Variants in NUP155 observed in about 807,000 individuals in gnomAD.
NUP155 encodes nucleoporin 155, also known as nuclear pore complex protein Nup155.
Under a neutral mutation model 180.4 loss-of-function variants are expected in NUP155, and 71 were observed. The ratio of observed to expected loss-of-function variants is 0.39; its 90% CI spans 0.33 to 0.48. The LOEUF (loss-of-function observed/expected upper bound fraction) is 0.48, where lower values mean the gene tolerates loss of function less well. Among genes scored for constraint, NUP155 ranks in the 20% least tolerant of loss-of-function variants. NUP155 has a pLI of 0.91. For synonymous variants in NUP155, 582 were observed against 559.5 expected, an observed-to-expected ratio of 1.04 and a Z score of -0.57; for missense variants, 1,553 against 1,648.9, an observed-to-expected ratio of 0.94 and a Z score of 1.01.
intron 19 of NUP155, among the ~76,000 whole-genome samples, chr5:37,325,092 G>A (rs192055470): frequency 4.5e-4 from 69 of 152,152 alleles, no homozygotes; most frequent in African/African-American, 1.6e-3. Context: ...CAGGGGTTAC[G>A]ATGGGCCGAG....
chr5:37,346,414 G>A (rs901011414), intron 9 of NUP155, among the ~76,000 whole-genome samples: 2 of 152,210 alleles, frequency 1.3e-5, no homozygotes, highest in Non-Finnish European at 2.9e-5. Context: ...GCTCACGCCT[G>A]TAATCCCAGC....
chr5:37,338,485 C>T (rs972839975), intron 11 of NUP155, among the ~76,000 whole-genome samples: 10 of 150,002 alleles, frequency 6.7e-5, no homozygotes, highest in African/African-American at 2.0e-4. Context: ...CGGCTCACTG[C>T]AAGCTCCGCC....
intron 21 of NUP155, among the ~76,000 whole-genome samples, chr5:37,317,562 CATAAT>C (rs924993250): frequency 8.6e-5 from 13 of 151,632 alleles, no homozygotes; most frequent in Non-Finnish European, 1.6e-4. Flanking sequence ...ATAAAAAAAA[CATAAT>C]GAAATAGGTG....
chr5:37,304,267 AAAAAAAG>A (rs1449419591), intron 27 of NUP155, among the ~76,000 whole-genome samples: 31 of 149,196 alleles, frequency 2.1e-4, no homozygotes, highest in South Asian at 1.3e-3. Flanking sequence ...AAAAAAAAAA[AAAAAAAG>A]GGAAATTTAC....
intron 20 of NUP155, among the ~76,000 whole-genome samples, chr5:37,319,527 A>G (rs569817268): frequency 6.6e-6 from 1 of 152,326 alleles, no homozygotes; most frequent in East Asian, 1.9e-4. Flanking sequence ...CTTATTGAAT[A>G]TGGTAAGCAT....
chr5:37,364,921 C>T (rs1747458079), intron 1 of NUP155, among the ~76,000 whole-genome samples: 1 of 151,858 alleles, frequency 6.6e-6, no homozygotes, highest in Admixed American at 6.6e-5. Context: ...CAGGTGTGAG[C>T]CACCGTGCCC....
Position 37,292,948 on chromosome 5 carries a change from A to G in NUP155, c.3968T>C (p.Leu1323Pro). The change falls in exon 34 of 35, where the codon CTT becomes CCT. Residue 1323 changes from leucine (L) to proline (P), a missense_variant. Coordinates refer to ENST00000231498, the MANE Select transcript of NUP155 (RefSeq NM_153485.3). Reference protein sequence around the residue: ...FWNRMKKPLHLLDCIHVLLIR... With the variant: ...FWNRMKKPLHPLDCIHVLLIR... ...CAATAATACATGTATACAATCCAAA[A>G]GGTGCAGTGGCTTCTTCATTCTGTT... 4 of 1,612,494 alleles carry G rather than the reference A, an allele frequency of 2.5e-6. No homozygotes were observed. The highest frequency in any genetic ancestry group is 3.4e-6 in the Non-Finnish European group (4 of 1,178,836).
rs1271773495 is a variant in NUP155, at chr5:37,325,898, T to C, written c.2091+3A>G. The C allele has an allele frequency of 6.3e-7, 1 of 1,576,218 alleles. No homozygotes were observed. The highest frequency in any genetic ancestry group is 2.2e-5 in the East Asian group (1 of 44,646). On this transcript the variant is annotated splice_donor_region_variant and intron_variant, in intron 19 of 34. Transcript: ENST00000231498. ...ATAACAAAATAATATTATACACACTTACTGCAGTGATCTCTCTGTTGCCAC... is the reference window on the plus strand; with the variant it reads ...ATAACAAAATAATATTATACACACTCACTGCAGTGATCTCTCTGTTGCCAC...
In NUP155 at chr5:37,312,832, G is replaced by A. The variant is rs1329512170; in HGVS notation, c.2436+1366C>T. Among the ~76,000 whole-genome samples the A allele has an allele frequency of 4.6e-5, 7 of 151,972 alleles. 1 individual carries two copies. Among genetic ancestry groups the A allele is most frequent in the Admixed American group, 4.6e-4 (7 of 15,254 alleles). ...GTGACAGAGCGAGACACTGTCTCAA[G>A]AAAAACTGGTAACTGATCATGACAT... On this transcript the variant is annotated intron_variant, in intron 22 of 34. Coordinates refer to ENST00000231498, the MANE Select transcript of NUP155 (RefSeq NM_153485.3).
chr5:37,314,228 T>C lies in NUP155; in HGVS notation c.2406A>G (p.Gln802=), dbSNP rs376606914. The C allele has an allele frequency of 1.0e-4, 167 of 1,609,812 alleles. 2 individuals carry two copies. The East Asian group carries it at 1.3e-3, about 12-fold the overall frequency. The change falls in exon 22 of 35, where the codon CAA becomes CAG. Residue 802 remains glutamine (Q), a synonymous_variant. Transcript: ENST00000231498. Reference sequence around the variant, plus strand: ...GAAGTTCTGCCACAATGATAGTGAATTGATGTTCACAAAGAAGTTTCCATA... The same window carrying C: ...GAAGTTCTGCCACAATGATAGTGAACTGATGTTCACAAAGAAGTTTCCATA... The part of the protein sequence containing the change: ...LALWKLLCEH[Q]FTIIVAELQK...
chr5:37,319,056 A>G (rs939991922), intron 20 of NUP155, among the ~76,000 whole-genome samples: 8 of 152,216 alleles, frequency 5.3e-5, no homozygotes, highest in Admixed American at 5.2e-4. Flanking sequence ...AATCTCAAAC[A>G]TGAGCCCCCA....
chr5:37,334,661 G>C (rs181711502), intron 12 of NUP155, among the ~76,000 whole-genome samples: 2 of 152,260 alleles, frequency 1.3e-5, no homozygotes, highest in African/African-American at 4.8e-5. Context: ...TAGGATTACA[G>C]GCGTGAGCCA....
intron 4 of NUP155, among the ~76,000 whole-genome samples, chr5:37,355,593 T>G (rs1470123994): frequency 2.3e-5 from 2 of 87,094 alleles, no homozygotes; most frequent in Admixed American, 1.1e-4. Flanking sequence ...TTGTTTGTTT[T>G]TCAGAGGCGA....
rs370179617 is a variant in NUP155 at position 37,337,911 on chromosome 5, T to C, written c.1254A>G (p.Leu418=). The part of the protein sequence containing the change: ...VHRALYSKGI[L]LMAASENEDN... ...CCTCATTTTCTGAGGCTGCCATCAA[T>C]AGAATACCTAAAAGTTTAATATACA... The change falls in exon 12 of 35, where the codon CTA becomes CTG. Residue 418 remains leucine (L), a synonymous_variant. Transcript: ENST00000231498. 12 of 1,577,372 alleles carry C rather than the reference T, an allele frequency of 7.6e-6. No homozygotes were observed. In the African/African-American group the frequency reaches 8.1e-5, roughly 11 times the overall value.
At chr5:37,327,916 A>T (rs145507120) in intron 17 of NUP155, 140 bp from the exon 18 acceptor site, 6 of 850,678 alleles carry the variant, frequency 7.1e-6, no homozygotes, top group Non-Finnish European at 1.1e-5. Context: ...AAGTTTGTGT[A>T]TCTAGACACA....
Position 37,341,206 on chromosome 5 carries a change from T to C in NUP155, c.1130A>G (p.Gln377Arg). 1 of 1,614,060 alleles carries C rather than the reference T, an allele frequency of 6.2e-7. No homozygotes were observed. The highest frequency in any genetic ancestry group is 8.5e-7 in the Non-Finnish European group (1 of 1,179,880). ...CAGTGTATTAGGCCGTGCTAATGGCTGTCTGAATGGACAAGTGCTAAAATA... is the reference window on the plus strand; with the variant it reads ...CAGTGTATTAGGCCGTGCTAATGGCCGTCTGAATGGACAAGTGCTAAAATA... ...RLYFSTCPFRQPLARPNTLTL... is the reference protein window; with the variant it reads ...RLYFSTCPFRRPLARPNTLTL... Residue 377 changes from glutamine to arginine, a missense_variant, in exon 11 of 35, where the codon CAG becomes CGG. Coordinates refer to ENST00000231498, the MANE Select transcript of NUP155 (RefSeq NM_153485.3).
At position 37,364,121 on chromosome 5, in the gene NUP155, T is replaced by TA; in HGVS notation, c.295+125dup. The TA allele has an allele frequency of 2.7e-6, 3 of 1,108,930 alleles. No homozygotes were observed. The South Asian group carries it at 3.9e-5, about 15-fold the overall frequency. 68.7% of individuals were successfully genotyped at this position (1,108,930 alleles called of 1,614,324 possible). ...TAATACAACATGGAACCCATATACTTAAACGAATTTTAAATAAAACCCTTA... is the reference window on the plus strand; with the variant it reads ...TAATACAACATGGAACCCATATACTTAAAACGAATTTTAAATAAAACCCTTA... On this transcript the variant is annotated intron_variant, in intron 2 of 34. Coordinates refer to ENST00000231498, the MANE Select transcript of NUP155 (RefSeq NM_153485.3).
chr5:37,302,955 T>C (rs1742943799), intron 28 of NUP155, 47 bp from the exon 29 acceptor site: 3 of 1,600,222 alleles, frequency 1.9e-6, no homozygotes. Flanking sequence ...TCTTAAGGAT[T>C]GATGATACAA....
At chr5:37,345,326 G>A (rs189743187) in intron 9 of NUP155, among the ~76,000 whole-genome samples, 1 of 151,738 alleles carries the variant, frequency 6.6e-6, no homozygotes, top group African/African-American at 2.4e-5. Flanking sequence ...GGCAACAATG[G>A]TGAAACCCCG....
Sources: allele counts gnomAD v4.1 joint callset (sites outside exome capture counted in the v4.1 genomes callset), GRCh38; gene constraint gnomAD v4.1.1; transcripts MANE v1.5; gene names NCBI Gene and HGNC (gene_info 2026-07-23, HGNC 2026-07-21).